ARAP2: variants seen among roughly 807,000 people sequenced by gnomAD.
ARAP2 encodes the protein ArfGAP with RhoGAP domain, ankyrin repeat and PH domain 2, also known as arf-GAP with Rho-GAP domain, ANK repeat and PH domain-containing protein 2.
ARAP2 carries 148 observed loss-of-function variants against 194.5 expected under a neutral mutation model. The observed-to-expected ratio is 0.76, with a 90% CI of 0.67 to 0.87. The LOEUF (loss-of-function observed/expected upper bound fraction) is 0.87. ARAP2 is among the 40% of genes least tolerant of loss of function. The pLI is 0.00. For missense variants in ARAP2, 2,128 were observed against 1,989.7 expected (o/e 1.07, Z -1.32); for synonymous variants, 695 against 683.5 (o/e 1.02, Z -0.26).
chr4:36,128,750 G>A lies in ARAP2; in HGVS notation c.3428-5C>T. 7.0e-7 allele frequency: 1 copy of A among 1,424,290 alleles called. No individual in the cohort carries two copies. The highest frequency in any genetic ancestry group is 1.3e-5 in the South Asian group (1 of 78,846). The allele number at this position is 1,424,290 out of a possible 1,614,324, so 88.2% of individuals were successfully genotyped here. A position where few individuals can be genotyped will look rare whatever the true frequency, so the allele number is the denominator to read the frequency against. Reference sequence around the variant, plus strand: ...AGATATATTTGCATCCTAAACCTTTGTTTAAAAAAAAAAAGTTATACTTTA... The same window carrying A: ...AGATATATTTGCATCCTAAACCTTTATTTAAAAAAAAAAAGTTATACTTTA... On this transcript the variant is annotated splice_region_variant and splice_polypyrimidine_tract_variant and intron_variant, in intron 20 of 32. Transcript: ENST00000303965.
At chr4:36,175,787 T>C (rs912166731) in intron 9 of ARAP2, among the ~76,000 whole-genome samples, 1 of 152,204 alleles carries the variant, frequency 6.6e-6, no homozygotes, top group African/African-American at 2.4e-5. Context: ...TCATTTCTCA[T>C]GTATATGGAA....
chr4:36,136,749 G>A (rs116170440), intron 19 of ARAP2, among the ~76,000 whole-genome samples: 1,520 of 151,056 alleles, frequency 0.01, 15 homozygotes, highest in Non-Finnish European at 0.016. Flanking sequence ...AGAATTAGCC[G>A]ATGTAACCAC....
chr4:36,082,115 G>C (rs1397034563), intron 30 of ARAP2, 136 bp downstream of exon 30: 1 of 775,728 alleles, frequency 1.3e-6, no homozygotes, highest in African/African-American at 1.8e-5. Context: ...TAGGCTCAAA[G>C]TCTTTACAAA....
At chr4:36,025,994 A>T (rs1484290862) in intron 5 of ARAP2, among the ~76,000 whole-genome samples, 1 of 152,146 alleles carries the variant, frequency 6.6e-6, no homozygotes, top group Non-Finnish European at 1.5e-5. Flanking sequence ...TATCTTCACA[A>T]AACAAAACCT....
Position 36,117,078 on chromosome 4 carries a change from A to C in ARAP2, c.4021T>G (p.Cys1341Gly). The change falls in exon 25 of 33, where the codon TGT becomes GGT. Residue 1341 changes from cysteine (C) to glycine (G), a missense_variant. Coordinates refer to ENST00000303965, the MANE Select transcript of ARAP2 (RefSeq NM_015230.4). ...GAACTTACCCGAATTATAATACTAC[A>C]GTCGGGTTCCTTCCTTTCTACATAT... ...EVYVERKEPD[C>G]SIIIRISPVM... is the part of the protein sequence containing the mutation. 1 of 1,597,304 alleles carries C rather than the reference A, an allele frequency of 6.3e-7. No homozygotes were observed. The highest frequency in any genetic ancestry group is 1.4e-5 in the African/African-American group (1 of 73,616).
intron 1 of ARAP2, chr4:36,243,959 C>T (rs1431788499): frequency 6.6e-6 from 1 of 152,266 alleles, no homozygotes; most frequent in Non-Finnish European, 1.5e-5. Flanking sequence ...CGGGTCAAAT[C>T]CCAGAAGTGG....
intron 1 of ARAP2, among the ~76,000 whole-genome samples, chr4:36,230,444 T>C (rs1751221853): frequency 6.6e-6 from 1 of 152,192 alleles, no homozygotes; most frequent in African/African-American, 2.4e-5. Context: ...AATAGTGATA[T>C]ACAAGATATG....
chr4:36,141,733 T>A (rs1728374472), intron 19 of ARAP2, among the ~76,000 whole-genome samples: 1 of 151,722 alleles, frequency 6.6e-6, no homozygotes, highest in Non-Finnish European at 1.5e-5. Context: ...TGGCTCAAGC[T>A]GTTACTAGCA....
intron 8 of ARAP2, among the ~76,000 whole-genome samples, chr4:36,178,492 G>A (rs1000255283): frequency 1.3e-5 from 2 of 152,170 alleles, no homozygotes; most frequent in Middle Eastern, 3.2e-3. Flanking sequence ...TCTAGAGTAT[G>A]CCTGCTTCAG....
chr4:36,203,386 C>T lies in ARAP2; in HGVS notation c.1487+7004G>A, dbSNP rs150572978. On this transcript the variant is annotated intron_variant, in intron 6 of 32. Coordinates refer to ENST00000303965, the MANE Select transcript of ARAP2 (RefSeq NM_015230.4). ...ATCACCTGAGGTCAGGAGATCAAGA[C>T]CAGCCTGAGCAACATGGAGAAACCC... Among the ~76,000 whole-genome samples the T allele has an allele frequency of 3.7e-3, 558 of 152,018 alleles. 7 individuals carry two copies. Among genetic ancestry groups the T allele is most frequent in the African/African-American group, 0.013 (535 of 41,422 alleles).
chr4:36,122,940 C>T (rs1409202770), intron 22 of ARAP2, among the ~76,000 whole-genome samples: 8 of 151,572 alleles, frequency 5.3e-5, no homozygotes, highest in Non-Finnish European at 7.4e-5. Context: ...AACACAGATT[C>T]AGGTAGCTAC....
intron 5 of ARAP2, among the ~76,000 whole-genome samples, chr4:36,037,688 G>C (rs1720168645): frequency 6.6e-6 from 1 of 152,012 alleles, no homozygotes; most frequent in Non-Finnish European, 1.5e-5. Context: ...TGGTATCATT[G>C]GTTGCCTCGT....
At chr4:36,094,324 AG>A (rs1714599914) in intron 27 of ARAP2, among the ~76,000 whole-genome samples, 1 of 152,196 alleles carries the variant, frequency 6.6e-6, no homozygotes, top group Non-Finnish European at 1.5e-5. Flanking sequence ...AACATGATAC[AG>A]GGACAGAGCT....
intron 28 of ARAP2, among the ~76,000 whole-genome samples, chr4:36,086,024 A>T (rs951441062): frequency 3.3e-5 from 5 of 152,048 alleles, no homozygotes; most frequent in African/African-American, 1.2e-4. Flanking sequence ...CCACAGTAGG[A>T]TATATTCAAG....
chr4:36,014,438 G>A (rs1182487552), intron 8 of ARAP2, among the ~76,000 whole-genome samples: 1 of 152,048 alleles, frequency 6.6e-6, no homozygotes, highest in Admixed American at 6.6e-5. Flanking sequence ...TTTATTCATA[G>A]TGCCACAAAA....
At chr4:36,114,698 T>C (rs1720908856) in intron 25 of ARAP2, among the ~76,000 whole-genome samples, 1 of 151,976 alleles carries the variant, frequency 6.6e-6, no homozygotes, top group Non-Finnish European at 1.5e-5. Context: ...TTATACACAG[T>C]CAATGGCTAT....
intron 1 of ARAP2, among the ~76,000 whole-genome samples, chr4:36,240,678 T>C (rs1753341117): frequency 6.6e-6 from 1 of 152,242 alleles, no homozygotes; most frequent in Non-Finnish European, 1.5e-5. Context: ...AGCATTTAAT[T>C]AGTGTCTTCT....
chr4:36,176,016 C>G (rs1737831350), intron 9 of ARAP2, among the ~76,000 whole-genome samples: 1 of 152,116 alleles, frequency 6.6e-6, no homozygotes, highest in Admixed American at 6.6e-5. Flanking sequence ...TACCCTGAAA[C>G]TCCTGGGCAA....
chr4:36,164,793 T>C, intron 11 of ARAP2, 121 bp downstream of exon 11: 1 of 933,244 alleles, frequency 1.1e-6, no homozygotes, highest in Non-Finnish European at 1.6e-6. Flanking sequence ...TTAAATGTAA[T>C]AAGCTTTCTC....
Sources: gnomAD v4.1 joint callset for allele counts (sites outside exome capture counted in the v4.1 genomes callset) on GRCh38, gnomAD v4.1.1 for gene constraint, MANE v1.5 for transcripts, NCBI Gene and HGNC (gene_info 2026-07-23, HGNC 2026-07-21) for gene names.